The following LRRC4C variants were observed in gnomAD, a reference collection of about 807,000 sequenced individuals.
LRRC4C encodes the protein leucine-rich repeat-containing protein 4C.
Under a neutral mutation model 33.6 loss-of-function variants are expected in LRRC4C, and 5 were observed. The observed-to-expected ratio is 0.15, with a 90% CI of 0.08 to 0.31. The LOEUF (loss-of-function observed/expected upper bound fraction) is 0.31, where lower values mean the gene tolerates loss of function less well. Ranked by LOEUF, LRRC4C falls within the 10% of genes least tolerant of loss-of-function variation. The pLI is 1.00. For synonymous variants in LRRC4C, 329 were observed against 302.0 expected (o/e 1.09, Z -0.93); for missense variants, 560 against 796.7 (o/e 0.70, Z 3.58).
At chr11:40,832,523 A>G (rs1952464353) in intron 2 of LRRC4C, among the ~76,000 whole-genome samples, 1 of 152,140 alleles carries the variant, frequency 6.6e-6, no homozygotes, top group Non-Finnish European at 1.5e-5. Context: ...TAGAATCTCA[A>G]AACACTAGAT....
In LRRC4C at chr11:41,367,649, T is replaced by C. The variant is rs186530813; in HGVS notation, c.-496+91782A>G. 3.4e-4 allele frequency among the ~76,000 whole-genome samples: 52 copies of C among 152,304 alleles called. No individual in the cohort carries two copies. The Middle Eastern group carries it at 0.01, about 30-fold the overall frequency. On this transcript the variant is annotated intron_variant, in intron 1 of 6. Transcript: ENST00000528697. ...GTGTATGTTTGTATCTGTATGTCTG[T>C]ACTGTATATACATACCCCTTCTTCA...
intron 1 of LRRC4C, among the ~76,000 whole-genome samples, chr11:41,060,530 G>A (rs1406099866): frequency 2.0e-5 from 3 of 152,066 alleles, no homozygotes; most frequent in Admixed American, 6.5e-5. Flanking sequence ...CTAGGTGTAC[G>A]CATATGGAGA....
intron 1 of LRRC4C, among the ~76,000 whole-genome samples, chr11:41,304,106 C>T (rs1358886112): frequency 1.3e-5 from 1 of 79,092 alleles, no homozygotes. Flanking sequence ...CGCCTCTGCC[C>T]GGCCGCCCCT....
chr11:40,868,613 T>C (rs1954484785), intron 2 of LRRC4C, among the ~76,000 whole-genome samples: 1 of 152,144 alleles, frequency 6.6e-6, no homozygotes, highest in African/African-American at 2.4e-5. Flanking sequence ...CCCTAAAGAC[T>C]ACCCACCACC....
chr11:41,298,777 C>T (rs1950209946), intron 1 of LRRC4C, among the ~76,000 whole-genome samples: 1 of 152,060 alleles, frequency 6.6e-6, no homozygotes, highest in Non-Finnish European at 1.5e-5. Flanking sequence ...AGTAATTTCT[C>T]ATCTCCCACC....
rs1478053690 is a variant in LRRC4C, at chr11:40,616,167, C to G, written c.-270+31975G>C. On this transcript the variant is annotated intron_variant, in intron 3 of 6. Transcript: ENST00000528697. ...AAAAGACACATGAAAAAATGCTCAT[C>G]ATCACTGGCCATCAAAGAAATGCAA... Among the ~76,000 whole-genome samples the G allele has an allele frequency of 5.3e-5, 8 of 151,972 alleles. No individual in the cohort carries two copies. The East Asian group carries it at 1.5e-3, about 29-fold the overall frequency.
At chr11:40,875,707 T>A (rs975591407) in intron 2 of LRRC4C, among the ~76,000 whole-genome samples, 2 of 152,076 alleles carry the variant, frequency 1.3e-5, no homozygotes, top group African/African-American at 2.4e-5. Flanking sequence ...GTCCCAAACC[T>A]TTTTGGCTCC....
intron 4 of LRRC4C, among the ~76,000 whole-genome samples, chr11:40,295,320 CTA>C (rs3041080): frequency 4.0e-4 from 60 of 149,814 alleles, no homozygotes; most frequent in African/African-American, 1.1e-3. Flanking sequence ...TTAAACAGTA[CTA>C]TATATATATA....
intron 1 of LRRC4C, among the ~76,000 whole-genome samples, chr11:41,001,541 T>G (rs1395706331): frequency 1.3e-5 from 2 of 152,070 alleles, no homozygotes; most frequent in African/African-American, 2.4e-5. Flanking sequence ...TCTCTGAACA[T>G]GGCATACTCT....
At chr11:40,872,364 A>T (rs2135948471) in intron 2 of LRRC4C, among the ~76,000 whole-genome samples, 1 of 152,102 alleles carries the variant, frequency 6.6e-6, no homozygotes, top group South Asian at 2.1e-4. Flanking sequence ...TTAATTCTAT[A>T]ATTGGGAGAA....
chr11:41,063,941 G>A (rs1003571586), intron 1 of LRRC4C, among the ~76,000 whole-genome samples: 44 of 152,144 alleles, frequency 2.9e-4, no homozygotes, highest in African/African-American at 1.0e-3. Context: ...GTGTGGTTTG[G>A]AGGTAGAATT....
intron 3 of LRRC4C, among the ~76,000 whole-genome samples, chr11:40,503,190 G>A (rs1954861341): frequency 6.6e-6 from 1 of 152,140 alleles, no homozygotes; most frequent in Non-Finnish European, 1.5e-5. Flanking sequence ...TTCTGCCTCT[G>A]TGAAGGTATG....
chr11:41,416,622 G>A (rs548793783), intron 1 of LRRC4C, among the ~76,000 whole-genome samples: 22 of 152,062 alleles, frequency 1.4e-4, no homozygotes, highest in East Asian at 5.8e-4. Context: ...GGGACAGTGC[G>A]TGCAAGGGAA....
At chr11:40,933,831 G>A (rs1957743907) in intron 1 of LRRC4C, 108 bp from the exon 2 acceptor site, 1 of 152,068 alleles carries the variant, frequency 6.6e-6, no homozygotes, top group African/African-American at 2.4e-5. Flanking sequence ...TAACCTACAG[G>A]GAATAATTTA....
At chr11:40,717,085 C>T (rs961725676) in intron 2 of LRRC4C, among the ~76,000 whole-genome samples, 2 of 152,120 alleles carry the variant, frequency 1.3e-5, no homozygotes, top group Admixed American at 1.3e-4. Flanking sequence ...ATAGGCATCA[C>T]GAGGTTCTCT....
intron 2 of LRRC4C, among the ~76,000 whole-genome samples, chr11:40,696,204 A>G (rs889546922): frequency 2.4e-4 from 35 of 147,956 alleles, no homozygotes; most frequent in African/African-American, 8.5e-4. Context: ...CACATGAAGT[A>G]TTATATGTAT....
intron 3 of LRRC4C, among the ~76,000 whole-genome samples, chr11:40,438,199 T>G (rs549825511): frequency 1.3e-5 from 2 of 152,222 alleles, no homozygotes; most frequent in African/African-American, 4.8e-5. Context: ...CACTTTATGT[T>G]TGCTTTGCCT....
chr11:40,308,596 C>G (rs897582155), intron 4 of LRRC4C, among the ~76,000 whole-genome samples: 2 of 152,168 alleles, frequency 1.3e-5, no homozygotes, highest in South Asian at 2.1e-4. Context: ...ATACCTTATA[C>G]TGTCAGTTAA....
In LRRC4C at chr11:40,364,974, T is replaced by C. The variant is rs145196223; in HGVS notation, c.-269-45253A>G. On this transcript the variant is annotated intron_variant, in intron 3 of 6. Coordinates refer to ENST00000528697, the MANE Select transcript of LRRC4C (RefSeq NM_001258419.2). ...TATATTTAGCAAAAATATCTTTCCATAATGAAGGTAAAATAATGGCATTTT... is the reference window on the plus strand; with the variant it reads ...TATATTTAGCAAAAATATCTTTCCACAATGAAGGTAAAATAATGGCATTTT... Among the ~76,000 whole-genome samples, 639 of 151,962 alleles carry C rather than the reference T, an allele frequency of 4.2e-3. 7 individuals carry two copies. Among genetic ancestry groups the C allele is most frequent in the Non-Finnish European group, 6.2e-3 (420 of 67,912 alleles).
Sources: allele counts gnomAD v4.1 joint callset (sites outside exome capture counted in the v4.1 genomes callset), GRCh38; gene constraint gnomAD v4.1.1; transcripts MANE v1.5; gene names NCBI Gene and HGNC (gene_info 2026-07-23, HGNC 2026-07-21).